Variants in PAPPA2 observed in about 807,000 individuals in gnomAD.
The protein encoded by PAPPA2 is pappalysin-2.
PAPPA2 carries 86 observed loss-of-function variants against 176.4 expected under a neutral mutation model. The ratio of observed to expected loss-of-function variants is 0.49; its 90% CI spans 0.41 to 0.58. The LOEUF (loss-of-function observed/expected upper bound fraction) is 0.58, where lower values mean the gene tolerates loss of function less well. Ranked by LOEUF, PAPPA2 falls within the 20% of genes least tolerant of loss-of-function variation. PAPPA2 has a pLI of 0.00. For missense variants in PAPPA2, 2,073 were observed against 2,256.9 expected (o/e 0.92, Z 1.65); for synonymous variants, 809 against 852.2 (o/e 0.95, Z 0.88).
intron 1 of PAPPA2, among the ~76,000 whole-genome samples, chr1:176,464,826 A>C (rs1651540098): frequency 6.6e-6 from 1 of 152,236 alleles, no homozygotes; most frequent in African/African-American, 2.4e-5. Context: ...TACTGTAGAA[A>C]GTTAGAACTA....
intron 2 of PAPPA2, among the ~76,000 whole-genome samples, chr1:176,591,236 A>G (rs1653643053): frequency 6.6e-6 from 1 of 152,060 alleles, no homozygotes; most frequent in South Asian, 2.1e-4. Flanking sequence ...TCGGCTTGGC[A>G]ATATCTGATC....
intron 12 of PAPPA2, among the ~76,000 whole-genome samples, chr1:176,734,599 G>A (rs1662312047): frequency 6.6e-6 from 1 of 151,976 alleles, no homozygotes; most frequent in Non-Finnish European, 1.5e-5. Flanking sequence ...GACAACCATG[G>A]CAGCTCAGTG....
At chr1:176,768,450 T>G (rs909474682) in intron 15 of PAPPA2, among the ~76,000 whole-genome samples, 3 of 152,238 alleles carry the variant, frequency 2.0e-5, no homozygotes, top group African/African-American at 7.2e-5. Context: ...CCCAGTTTTC[T>G]ACTTCTGTTT....
intron 3 of PAPPA2, among the ~76,000 whole-genome samples, chr1:176,635,580 A>G (rs1656647305): frequency 6.6e-6 from 1 of 152,016 alleles, no homozygotes; most frequent in Admixed American, 6.6e-5. Flanking sequence ...AGATCCACTC[A>G]CTTTCTGTTT....
At chr1:176,768,238 T>A (rs941964218) in intron 15 of PAPPA2, among the ~76,000 whole-genome samples, 13 of 150,796 alleles carry the variant, frequency 8.6e-5, no homozygotes, top group Non-Finnish European at 1.9e-4. Context: ...TTCTCCCACC[T>A]CCCCCTGTAC....
intron 1 of PAPPA2, among the ~76,000 whole-genome samples, chr1:176,518,962 A>C (rs1302979244): frequency 6.6e-6 from 1 of 152,224 alleles, no homozygotes; most frequent in South Asian, 2.1e-4. Context: ...CGTTCTAGAG[A>C]GTGGAGACCA....
At chr1:176,612,402 A>C (rs559524119) in intron 3 of PAPPA2, among the ~76,000 whole-genome samples, 7 of 152,210 alleles carry the variant, frequency 4.6e-5, no homozygotes, top group Admixed American at 2.6e-4. Flanking sequence ...TCAAAAAAAA[A>C]CCAAAAACCA....
In PAPPA2 at chr1:176,556,878, G is replaced by A; in HGVS notation, c.556G>A (p.Glu186Lys). The change falls in exon 2 of 23, where the codon GAG (glutamate) becomes AAG (lysine). Residue 186 changes from glutamate (E) to lysine (K), a missense_variant. Physicochemically the swap from Glu to Lys is moderately conservative, Grantham distance 56. This residue lies in a region of PAPPA2 where 1,196 missense variants were observed against 1,330.4 expected (regional missense o/e 0.90). Transcript: ENST00000367662. ...IFTTLNEPKPETQRRGWAKSR... is the reference protein window; with the variant it reads ...IFTTLNEPKPKTQRRGWAKSR... ...CACAACCCTGAACGAACCCAAACCA[G>A]AGACCCAAAGGAGGGGCTGGGCCAA... 6.2e-7 allele frequency: 1 copy of A among 1,614,140 alleles called. No individual in the cohort carries two copies. Among genetic ancestry groups the A allele is most frequent in the Non-Finnish European group, 8.5e-7 (1 of 1,180,032 alleles).
chr1:176,491,299 T>C (rs1647276524), intron 1 of PAPPA2, among the ~76,000 whole-genome samples: 1 of 152,218 alleles, frequency 6.6e-6, no homozygotes, highest in Non-Finnish European at 1.5e-5. Flanking sequence ...TCTGTGTGGA[T>C]TAGATGCTAT....
In PAPPA2 at chr1:176,590,915, C is replaced by T. The variant is rs575676474; in HGVS notation, c.920-3609C>T. 9.9e-5 allele frequency among the ~76,000 whole-genome samples: 15 copies of T among 152,256 alleles called. No homozygotes were observed. In the South Asian group the frequency reaches 1.0e-3, roughly 11 times the overall value. Reference sequence around the variant, plus strand: ...TCTGACACCTAATCTCTCAGAACCTCAGTGTCTGCATCTATAAAATAAGGC... The same window carrying T: ...TCTGACACCTAATCTCTCAGAACCTTAGTGTCTGCATCTATAAAATAAGGC... On this transcript the variant is annotated intron_variant, in intron 2 of 22. Transcript: ENST00000367662.
At chr1:176,650,283 T>C (rs1334817620) in intron 3 of PAPPA2, among the ~76,000 whole-genome samples, 1 of 151,608 alleles carries the variant, frequency 6.6e-6, no homozygotes, top group Non-Finnish European at 1.5e-5. Context: ...TGTGTCTTTA[T>C]AAATAAATTG....
chr1:176,778,301 G>A (rs1260789094), intron 17 of PAPPA2, among the ~76,000 whole-genome samples: 1 of 152,070 alleles, frequency 6.6e-6, no homozygotes, highest in African/African-American at 2.4e-5. Context: ...GGAAAATAGG[G>A]GAAAGAGGGG....
At chr1:176,653,729 A>G (rs1657877566) in intron 3 of PAPPA2, among the ~76,000 whole-genome samples, 1 of 150,700 alleles carries the variant, frequency 6.6e-6, no homozygotes, top group African/African-American at 2.4e-5. Context: ...CTTATACCCC[A>G]CTCCGTCTCC....
chr1:176,713,041 T>C (rs1391260369), intron 12 of PAPPA2, among the ~76,000 whole-genome samples: 3 of 152,218 alleles, frequency 2.0e-5, no homozygotes, highest in Non-Finnish European at 4.4e-5. Flanking sequence ...TAATTTGTAT[T>C]ATTTCATCAT....
chr1:176,567,677 G>A (rs56249151), intron 2 of PAPPA2, among the ~76,000 whole-genome samples: 21,283 of 152,054 alleles, frequency 0.14, 1,547 homozygotes, highest in Middle Eastern at 0.2. Flanking sequence ...AACTGTAAAC[G>A]GATTATTAAA....
At chr1:176,504,462 A>G (rs913788309) in intron 1 of PAPPA2, among the ~76,000 whole-genome samples, 1 of 152,076 alleles carries the variant, frequency 6.6e-6, no homozygotes, top group Non-Finnish European at 1.5e-5. Flanking sequence ...TCACTTAACT[A>G]TATTTTCATG....
At chr1:176,833,170 G>A (rs139238057) in intron 21 of PAPPA2, among the ~76,000 whole-genome samples, 149 of 152,296 alleles carry the variant, frequency 9.8e-4, no homozygotes, top group Middle Eastern at 6.8e-3. Context: ...CCTTCCAGGA[G>A]ATACTCTGTA....
At chr1:176,559,636 C>A (rs1438512831) in intron 2 of PAPPA2, among the ~76,000 whole-genome samples, 1 of 152,202 alleles carries the variant, frequency 6.6e-6, no homozygotes, top group African/African-American at 2.4e-5. Context: ...CTTCTCTTAC[C>A]ATACAGCACT....
chr1:176,532,403 G>A (rs967098248), intron 1 of PAPPA2, among the ~76,000 whole-genome samples: 11 of 152,142 alleles, frequency 7.2e-5, no homozygotes, highest in African/African-American at 1.4e-4. Flanking sequence ...TCAAATCTGC[G>A]TCCAGGTAAT....
Sources: gnomAD v4.1 joint callset for allele counts (sites outside exome capture counted in the v4.1 genomes callset) on GRCh38, gnomAD v4.1.1 for gene constraint, gnomAD v4.1.1 regional missense constraint, MANE v1.5 for transcripts, NCBI Gene and HGNC (gene_info 2026-07-23, HGNC 2026-07-21) for gene names.